CNOT4: variants seen among roughly 807,000 people sequenced by gnomAD.
CNOT4 encodes CCR4-NOT transcription complex subunit 4.
CNOT4 carries 8 observed loss-of-function variants against 73.8 expected under a neutral mutation model. The observed-to-expected ratio is 0.11, with a 90% CI of 0.06 to 0.20. CNOT4 has a LOEUF of 0.20. CNOT4 is among the 10% of genes least tolerant of loss of function. CNOT4 has a pLI of 1.00. For missense variants in CNOT4, 564 were observed against 883.4 expected (o/e 0.64, Z 4.58); for synonymous variants, 293 against 321.1 (o/e 0.91, Z 0.94).
In CNOT4 at chr7:135,438,423, C is replaced by A. The variant is rs1799284828; in HGVS notation, c.-92G>T. 4.0e-6 allele frequency: 4 copies of A among 1,003,760 alleles called. No homozygotes were observed. The highest frequency in any genetic ancestry group is 5.6e-6 in the Non-Finnish European group (4 of 715,864). The allele number at this position is 1,003,760 out of a possible 1,614,324, so 62.2% of individuals were successfully genotyped here. On this transcript the variant is annotated splice_region_variant and 5_prime_UTR_variant, in exon 2 of 12. Transcript: ENST00000541284. The stretch of plus-strand genomic sequence containing the variant: ...AAGCTAAAATGTAGGACTTTGACGA[C>A]CTGCATGAGAAGAAACAAAATACAT...
intron 10 of CNOT4, chr7:135,388,483 A>G: frequency 2.0e-6 from 2 of 1,000,140 alleles, no homozygotes; most frequent in Non-Finnish European, 2.4e-6. Context: ...TCAATAATAG[A>G]GCCAAAATAA....
At position 135,444,565 on chromosome 7, in the gene CNOT4, G is replaced by A. The variant is rs1585653150; in HGVS notation, c.-92-6142C>T. On this transcript the variant is annotated intron_variant, in intron 1 of 11. Transcript: ENST00000541284. ...TATATCTCAGCATTTCTTCAGGACC[G>A]ACCTATCCCAGAATGATGTGGAGTA... is the stretch of plus-strand genomic sequence containing the variant. 32 of 1,367,542 alleles carry A rather than the reference G, an allele frequency of 2.3e-5. 1 individual carries two copies. The highest frequency in any genetic ancestry group is 5.0e-5 in the Admixed American group (3 of 59,656). 84.7% of individuals were successfully genotyped at this position (1,367,542 alleles called of 1,614,324 possible). A position where few individuals can be genotyped will look rare whatever the true frequency, so the allele number is the denominator to read the frequency against.
intron 1 of CNOT4, among the ~76,000 whole-genome samples, chr7:135,486,533 C>T (rs1375073794): frequency 6.6e-6 from 1 of 152,168 alleles, no homozygotes; most frequent in African/African-American, 2.4e-5. Flanking sequence ...TACCAGATGA[C>T]CCAGCAATTT....
chr7:135,504,881 G>A (rs914091803), intron 1 of CNOT4, among the ~76,000 whole-genome samples: 201 of 151,866 alleles, frequency 1.3e-3, no homozygotes, highest in Non-Finnish European at 2.3e-3. Context: ...GCCCACCTCG[G>A]CCTCCCAAAG....
intron 1 of CNOT4, among the ~76,000 whole-genome samples, chr7:135,453,847 T>TATATATATA (rs1554438701): frequency 7.5e-5 from 9 of 119,332 alleles, no homozygotes; most frequent in East Asian, 2.3e-4. Context: ...TATATATATA[T>TATATATATA]TATATATATA....
At chr7:135,380,320 C>A (rs1795775993) in intron 10 of CNOT4, among the ~76,000 whole-genome samples, 1 of 152,112 alleles carries the variant, frequency 6.6e-6, no homozygotes, top group Non-Finnish European at 1.5e-5. Context: ...TGTGTGTTGT[C>A]CCCTAAATTC....
chr7:135,464,047 G>A (rs115886836), intron 1 of CNOT4, among the ~76,000 whole-genome samples: 1,583 of 114,456 alleles, frequency 0.014, 33 homozygotes, highest in African/African-American at 0.051. Flanking sequence ...AAAACAGATG[G>A]TGGCAAGGTT....
At chr7:135,432,629 C>T (rs1798912978) in intron 2 of CNOT4, among the ~76,000 whole-genome samples, 1 of 152,208 alleles carries the variant, frequency 6.6e-6, no homozygotes, top group Admixed American at 6.5e-5. Context: ...GGGCTTCTCT[C>T]CTGTGTTGGA....
At chr7:135,430,916 T>C (rs1798790577) in intron 2 of CNOT4, among the ~76,000 whole-genome samples, 1 of 152,148 alleles carries the variant, frequency 6.6e-6, no homozygotes. Flanking sequence ...TCACTTCTTT[T>C]TAATATTAAA....
At chr7:135,503,626 A>C (rs1804151435) in intron 1 of CNOT4, among the ~76,000 whole-genome samples, 2 of 152,318 alleles carry the variant, frequency 1.3e-5, no homozygotes, top group South Asian at 4.1e-4. Context: ...TCTTTATATC[A>C]TTTTAAATGG....
intron 7 of CNOT4, among the ~76,000 whole-genome samples, chr7:135,405,492 A>G (rs1797229767): frequency 6.6e-6 from 1 of 152,188 alleles, no homozygotes; most frequent in African/African-American, 2.4e-5. Context: ...CAAAGCCCCA[A>G]ACTTAAAAAT....
intron 1 of CNOT4, among the ~76,000 whole-genome samples, chr7:135,464,926 T>C (rs1040971788): frequency 1.3e-5 from 2 of 152,112 alleles, no homozygotes; most frequent in Non-Finnish European, 2.9e-5. Context: ...AAATGAGTTT[T>C]TCCTAAGGTA....
intron 1 of CNOT4, among the ~76,000 whole-genome samples, chr7:135,472,554 T>TATATATATAC (rs1801702533): frequency 2.6e-5 from 2 of 77,046 alleles, no homozygotes; most frequent in African/African-American, 5.2e-5. Context: ...TATATATATA[T>TATATATATAC]ATATAAAGTG....
chr7:135,389,014 A>T (rs1352928421), intron 10 of CNOT4: 1 of 913,126 alleles, frequency 1.1e-6, no homozygotes, highest in African/African-American at 1.7e-5. Context: ...TAATGTTTGG[A>T]ATCCAGGTGT....
intron 1 of CNOT4, among the ~76,000 whole-genome samples, chr7:135,506,923 A>T (rs1804413982): frequency 6.6e-6 from 1 of 152,138 alleles, no homozygotes; most frequent in Admixed American, 6.5e-5. Context: ...CAAAAAGATA[A>T]ATTTATTAAA....
chr7:135,429,685 A>G (rs1039509161), intron 2 of CNOT4, among the ~76,000 whole-genome samples: 1 of 152,256 alleles, frequency 6.6e-6, no homozygotes, highest in African/African-American at 2.4e-5. Flanking sequence ...CCATGAAAGT[A>G]ACAGACAAGC....
intron 1 of CNOT4, among the ~76,000 whole-genome samples, chr7:135,475,339 C>T (rs563134064): frequency 1.3e-5 from 2 of 152,022 alleles, no homozygotes; most frequent in African/African-American, 4.8e-5. Flanking sequence ...TTAAGCATAT[C>T]ATGACTAAAA....
At chr7:135,509,348 G>C (rs991410758) in intron 1 of CNOT4, among the ~76,000 whole-genome samples, 1 of 152,064 alleles carries the variant, frequency 6.6e-6, no homozygotes, top group Non-Finnish European at 1.5e-5. Context: ...AGCACCAGAG[G>C]GGGGCAAAGG....
rs552118396 is a variant in CNOT4 at position 135,438,420 on chromosome 7, C to T, written c.-89G>A. Reference sequence around the variant, plus strand: ...TGAAAGCTAAAATGTAGGACTTTGACGACCTGCATGAGAAGAAACAAAATA... The same window carrying T: ...TGAAAGCTAAAATGTAGGACTTTGATGACCTGCATGAGAAGAAACAAAATA... On this transcript the variant is annotated 5_prime_UTR_variant, in exon 2 of 12. Transcript: ENST00000541284. 52 of 1,034,800 alleles carry T rather than the reference C, an allele frequency of 5.0e-5. No homozygotes were observed. Among genetic ancestry groups the T allele is most frequent in the Non-Finnish European group, 6.6e-5 (49 of 741,886 alleles). The allele number at this position is 1,034,800 out of a possible 1,614,324, so 64.1% of individuals were successfully genotyped here. A position where few individuals can be genotyped will look rare whatever the true frequency, so the allele number is the denominator to read the frequency against.
Sources: allele counts gnomAD v4.1 joint callset (sites outside exome capture counted in the v4.1 genomes callset), GRCh38; gene constraint gnomAD v4.1.1; transcripts MANE v1.5; gene names NCBI Gene and HGNC (gene_info 2026-07-23, HGNC 2026-07-21).